The following PELI2 variants were observed in gnomAD, a reference collection of about 807,000 sequenced individuals.
PELI2 encodes pellino E3 ubiquitin protein ligase family member 2.
PELI2 carries 23 observed loss-of-function variants against 42.3 expected under a neutral mutation model. That is an observed-to-expected ratio of 0.54 (90% CI 0.39 to 0.77). The LOEUF (loss-of-function observed/expected upper bound fraction) is 0.77. PELI2 is among the 30% of genes least tolerant of loss of function. The pLI, the probability that PELI2 is intolerant of heterozygous loss-of-function variation, is 0.00. For synonymous variants in PELI2, 245 were observed against 212.2 expected (o/e 1.15, Z -1.34); for missense variants, 463 against 553.2 (o/e 0.84, Z 1.64).
chr14:56,271,649 A>G (rs1242947303), intron 2 of PELI2, among the ~76,000 whole-genome samples: 4 of 152,222 alleles, frequency 2.6e-5, no homozygotes, highest in African/African-American at 7.2e-5. Context: ...GCCATATTAA[A>G]TACTGCCATG....
At chr14:56,155,612 C>A (rs2343378) in intron 1 of PELI2, among the ~76,000 whole-genome samples, 2 of 147,926 alleles carry the variant, frequency 1.4e-5, no homozygotes, top group East Asian at 4.0e-4. Context: ...GACGGAGTCT[C>A]GCTCTGTCAC....
chr14:56,180,296 T>C lies in PELI2; in HGVS notation c.207+1832T>C, dbSNP rs1298899800. 6.6e-6 allele frequency among the ~76,000 whole-genome samples: 1 copy of C among 152,198 alleles called. No individual in the cohort carries two copies. The highest frequency in any genetic ancestry group is 1.5e-5 in the Non-Finnish European group (1 of 68,040). ...AGGAGCTCTGTTGAATTAGAAAATA[T>C]ACTTTGTTCATAACAATAGAAATTA... On this transcript the variant is annotated intron_variant, in intron 2 of 5. Coordinates refer to ENST00000267460, the MANE Select transcript of PELI2 (RefSeq NM_021255.3). The surrounding 1 kb of genome is among the most constrained non-coding windows in gnomAD (Gnocchi z 4.4).
chr14:56,141,976 A>G (rs1032059158), intron 1 of PELI2, among the ~76,000 whole-genome samples: 2 of 152,226 alleles, frequency 1.3e-5, no homozygotes, highest in African/African-American at 4.8e-5. Context: ...ATTCAGTACC[A>G]TATCAGTGTA....
intron 2 of PELI2, among the ~76,000 whole-genome samples, chr14:56,214,941 T>A (rs1013422328): frequency 2.0e-5 from 3 of 152,220 alleles, no homozygotes; most frequent in African/African-American, 7.2e-5. Context: ...GGTGACTGCA[T>A]AGGCTTCATA....
rs1029756883 is a variant in PELI2 at position 56,134,813 on chromosome 14, G to A, written c.77+16076G>A. On this transcript the variant is annotated intron_variant, in intron 1 of 5. Transcript: ENST00000267460. ...TTTTTGCTGGAGAGAGTTGAATATAGCAGGAAAATATAAACCATCTTTTTT... is the reference window on the plus strand; with the variant it reads ...TTTTTGCTGGAGAGAGTTGAATATAACAGGAAAATATAAACCATCTTTTTT... 6.0e-5 allele frequency among the ~76,000 whole-genome samples: 9 copies of A among 149,510 alleles called. No homozygotes were observed. The Middle Eastern group carries it at 0.01, about 173-fold the overall frequency.
chr14:56,196,525 T>A (rs1886137745), intron 2 of PELI2, among the ~76,000 whole-genome samples: 1 of 152,214 alleles, frequency 6.6e-6, no homozygotes, highest in African/African-American at 2.4e-5. Context: ...AAGAAAAAAA[T>A]CTGCAACCTC....
Position 56,180,277 on chromosome 14 carries a change from T to G in PELI2, c.207+1813T>G, listed in dbSNP as rs1348392241. 2.6e-5 allele frequency among the ~76,000 whole-genome samples: 4 copies of G among 152,164 alleles called. No homozygotes were observed. Among genetic ancestry groups the G allele is most frequent in the African/African-American group, 9.7e-5 (4 of 41,434 alleles). ...GAGTAAATTGGCTTCAAGCAGGAGC[T>G]CTGTTGAATTAGAAAATATACTTTG... On this transcript the variant is annotated intron_variant, in intron 2 of 5. Transcript: ENST00000267460. The surrounding 1 kb of genome is among the most constrained non-coding windows in gnomAD (Gnocchi z 4.4).
In PELI2 at chr14:56,279,610, T is replaced by C. The variant is rs1889407806; in HGVS notation, c.208-66T>C. On this transcript the variant is annotated intron_variant, in intron 2 of 5. Coordinates refer to ENST00000267460, the MANE Select transcript of PELI2 (RefSeq NM_021255.3). Reference sequence around the variant, plus strand: ...TGCCAGTAGAGTGGTGGCTCATAACTACAGGCAGAATTGATAAGTTGTTGA... The same window carrying C: ...TGCCAGTAGAGTGGTGGCTCATAACCACAGGCAGAATTGATAAGTTGTTGA... 1.3e-5 allele frequency: 12 copies of C among 924,778 alleles called. No homozygotes were observed. In the South Asian group the frequency reaches 1.8e-4, roughly 14 times the overall value. 57.3% of individuals were successfully genotyped at this position (924,778 alleles called of 1,614,324 possible).
At chr14:56,296,313 T>A (rs1273244507) in intron 5 of PELI2, among the ~76,000 whole-genome samples, 1 of 152,210 alleles carries the variant, frequency 6.6e-6, no homozygotes, top group Non-Finnish European at 1.5e-5. Flanking sequence ...TTAGGAGATT[T>A]GTGAAGTTCA....
At position 56,300,691 on chromosome 14, in the gene PELI2, T is replaced by A. The variant is rs1478088897; in HGVS notation, c.*3525T>A. ...GGGTAAAAACTATCTTCTTGCAGCCTTGCCTCATAACAGTGGAATTTCTGA... is the reference window on the plus strand; with the variant it reads ...GGGTAAAAACTATCTTCTTGCAGCCATGCCTCATAACAGTGGAATTTCTGA... On this transcript the variant is annotated 3_prime_UTR_variant, in exon 6 of 6. Coordinates refer to ENST00000267460, the MANE Select transcript of PELI2 (RefSeq NM_021255.3). The A allele has an allele frequency of 6.6e-6, 1 of 152,208 alleles. No homozygotes were observed. The allele number at this position is 152,208 out of a possible 1,614,324, so 9.4% of individuals were successfully genotyped here.
intron 1 of PELI2, among the ~76,000 whole-genome samples, chr14:56,140,397 A>G (rs761347427): frequency 1.3e-5 from 2 of 152,244 alleles, no homozygotes; most frequent in African/African-American, 2.4e-5. Context: ...TAATTTCTTC[A>G]AAAGTAGTCA....
chr14:56,245,056 T>A (rs1888102784), intron 2 of PELI2, among the ~76,000 whole-genome samples: 1 of 152,200 alleles, frequency 6.6e-6, no homozygotes, highest in Non-Finnish European at 1.5e-5. Context: ...AATAAATGAA[T>A]GAAGAATCTA....
intron 2 of PELI2, among the ~76,000 whole-genome samples, chr14:56,270,734 C>T (rs900767078): frequency 1.3e-5 from 2 of 152,160 alleles, no homozygotes; most frequent in African/African-American, 2.4e-5. Context: ...CCAGTGAAAT[C>T]AGTGCTACTG....
At chr14:56,213,093 A>G (rs1886767313) in intron 2 of PELI2, among the ~76,000 whole-genome samples, 1 of 152,206 alleles carries the variant, frequency 6.6e-6, no homozygotes, top group African/African-American at 2.4e-5. Context: ...ACTCAAGCCC[A>G]TCTTTAAAAT....
intron 1 of PELI2, among the ~76,000 whole-genome samples, chr14:56,163,785 T>C (rs1392797105): frequency 6.6e-6 from 1 of 152,168 alleles, no homozygotes; most frequent in Admixed American, 6.5e-5. Context: ...ACTTGACTCG[T>C]TAATTCCTAG....
Position 56,182,423 on chromosome 14 carries a change from T to C in PELI2, c.207+3959T>C, listed in dbSNP as rs374550799. On this transcript the variant is annotated intron_variant, in intron 2 of 5. Coordinates refer to ENST00000267460, the MANE Select transcript of PELI2 (RefSeq NM_021255.3). The stretch of plus-strand genomic sequence containing the variant: ...CCAGTAAATAGTATGATGGTGGTGG[T>C]GGTGACGGTGTGGATACTGGTGCCT... Among the ~76,000 whole-genome samples, 30 of 152,298 alleles carry C rather than the reference T, an allele frequency of 2.0e-4. No homozygotes were observed. In the South Asian group the frequency reaches 6.2e-3, roughly 32 times the overall value.
intron 1 of PELI2, among the ~76,000 whole-genome samples, chr14:56,159,663 G>T (rs758648475): frequency 2.0e-5 from 3 of 151,732 alleles, no homozygotes; most frequent in Non-Finnish European, 2.9e-5. Flanking sequence ...TACCCATAGG[G>T]TAAAAAAAAT....
intron 2 of PELI2, among the ~76,000 whole-genome samples, chr14:56,238,648 A>G (rs984052324): frequency 6.6e-6 from 1 of 152,132 alleles, no homozygotes; most frequent in Non-Finnish European, 1.5e-5. Context: ...TTTTATTTGT[A>G]ATAAGGTTTG....
At chr14:56,143,338 G>T (rs911727564) in intron 1 of PELI2, among the ~76,000 whole-genome samples, 1 of 152,180 alleles carries the variant, frequency 6.6e-6, no homozygotes, top group Non-Finnish European at 1.5e-5. Flanking sequence ...GTCTTACCTT[G>T]ATCACTTAGT....
Sources: gnomAD v4.1 joint callset for allele counts (sites outside exome capture counted in the v4.1 genomes callset) on GRCh38, gnomAD v4.1.1 for gene constraint, Gnocchi (gnomAD v3.1) non-coding constraint, MANE v1.5 for transcripts, NCBI Gene and HGNC (gene_info 2026-07-23, HGNC 2026-07-21) for gene names.